TFB1M: variants seen among roughly 807,000 people sequenced by gnomAD.
TFB1M encodes transcription factor B1, mitochondrial, also known as dimethyladenosine transferase 1, mitochondrial.
In TFB1M, 27 loss-of-function variants were observed where a neutral mutation model predicts 31.1. The ratio of observed to expected loss-of-function variants is 0.87; its 90% CI spans 0.64 to 1.20. The LOEUF is 1.20. Ranked by LOEUF, TFB1M falls within the 50% of genes most tolerant of loss-of-function variation. The pLI, the probability that TFB1M is intolerant of heterozygous loss-of-function variation, is 0.00. For missense variants in TFB1M, 394 were observed against 418.7 expected (o/e 0.94, Z 0.51); for synonymous variants, 166 against 151.8 (o/e 1.09, Z -0.69).
chr6:155,248,231 G>GCTGCCAGCCGTGCCCTGGGC, the TFB1M span: 1 of 1,562,144 alleles, frequency 6.4e-7, no homozygotes, highest in Non-Finnish European at 8.7e-7. Context: ...GCGGCGAGGG[G>GCTGCCAGCCGTGCCCTGGGC]CTGCCAGCCG....
At chr6:155,284,753 A>G (rs1776543937) in intron 5 of TFB1M, among the ~76,000 whole-genome samples, 1 of 152,230 alleles carries the variant, frequency 6.6e-6, no homozygotes, top group South Asian at 2.1e-4. Context: ...GGTCTCCCAA[A>G]AAAGTGTTAA....
At chr6:155,239,274 C>T in the TFB1M span, among the ~76,000 whole-genome samples, 1 of 152,112 alleles carries the variant, frequency 6.6e-6, no homozygotes, top group Non-Finnish European at 1.5e-5. Flanking sequence ...TTAATGGATG[C>T]CAGTCATTTG....
intron 2 of TFB1M, among the ~76,000 whole-genome samples, chr6:155,306,332 G>A (rs1397328195): frequency 2.0e-5 from 3 of 152,032 alleles, no homozygotes; most frequent in South Asian, 4.1e-4. Flanking sequence ...CACAGGACCC[G>A]GATATTCTAC....
At chr6:155,236,599 G>A in the TFB1M span, among the ~76,000 whole-genome samples, 1 of 152,164 alleles carries the variant, frequency 6.6e-6, no homozygotes, top group Admixed American at 6.5e-5. Context: ...GGAGGCAGAG[G>A]TTGCAGTGAG....
chr6:155,298,377 T>G, intron 3 of TFB1M, 100 bp downstream of exon 3: 1 of 700,010 alleles, frequency 1.4e-6, no homozygotes, highest in Non-Finnish European at 2.5e-6. Context: ...ATTTAAAATA[T>G]AAACATATAA....
At chr6:155,291,600 T>C (rs1776927308) in intron 4 of TFB1M, among the ~76,000 whole-genome samples, 2 of 152,208 alleles carry the variant, frequency 1.3e-5, no homozygotes, top group Admixed American at 6.5e-5. Flanking sequence ...TTTTCCAACC[T>C]TGGCATGACT....
chr6:155,276,317 C>G (rs1041601154), intron 5 of TFB1M: 2 of 1,613,704 alleles, frequency 1.2e-6, no homozygotes, highest in Non-Finnish European at 1.7e-6. Flanking sequence ...ACCCACACAG[C>G]AGCCTATCTC....
chr6:155,275,634 C>T (rs1751671651), intron 5 of TFB1M: 1 of 1,332,762 alleles, frequency 7.5e-7, no homozygotes, highest in South Asian at 1.4e-5. Flanking sequence ...ATTTGGTTCT[C>T]TACTGCACAG....
intron 2 of TFB1M, among the ~76,000 whole-genome samples, chr6:155,309,607 T>C (rs757242725): frequency 9.2e-5 from 14 of 152,076 alleles, no homozygotes; most frequent in African/African-American, 3.1e-4. Flanking sequence ...GTTCACCCCC[T>C]GGCCTAATAA....
intron 2 of TFB1M, among the ~76,000 whole-genome samples, chr6:155,306,612 T>C (rs553811169): frequency 6.6e-6 from 1 of 152,092 alleles, no homozygotes; most frequent in African/African-American, 2.4e-5. Context: ...AAGTAAAAGA[T>C]ACCAGACCAA....
intron 2 of TFB1M, among the ~76,000 whole-genome samples, chr6:155,306,415 C>T (rs1324480199): frequency 6.6e-6 from 1 of 152,058 alleles, no homozygotes; most frequent in Non-Finnish European, 1.5e-5. Flanking sequence ...CAAACACTTG[C>T]ATATGAATGT....
chr6:155,238,685 G>A, the TFB1M span, among the ~76,000 whole-genome samples: 8 of 152,162 alleles, frequency 5.3e-5, no homozygotes, highest in Admixed American at 1.3e-4. Flanking sequence ...CTGGACAACC[G>A]ATTCTAAAAT....
chr6:155,243,645 G>A, the TFB1M span, among the ~76,000 whole-genome samples: 1 of 151,898 alleles, frequency 6.6e-6, no homozygotes, highest in African/African-American at 2.4e-5. Flanking sequence ...TCAGGAGTTC[G>A]AGACCAGCCT....
chr6:155,237,442 G>C, the TFB1M span, among the ~76,000 whole-genome samples: 1 of 152,208 alleles, frequency 6.6e-6, no homozygotes, highest in Non-Finnish European at 1.5e-5. Context: ...GAGGATGGTG[G>C]CCCTCTTCTC....
the TFB1M span, chr6:155,249,846 T>G: frequency 3.7e-6 from 6 of 1,605,154 alleles, no homozygotes; most frequent in Non-Finnish European, 5.1e-6. Context: ...TTTCATATCT[T>G]GCAGAAGCAC....
intron 5 of TFB1M, among the ~76,000 whole-genome samples, chr6:155,284,035 A>T (rs1776510338): frequency 6.6e-6 from 1 of 152,224 alleles, no homozygotes; most frequent in Non-Finnish European, 1.5e-5. Context: ...GGGAGGTGGC[A>T]CCGATAGCAA....
the TFB1M span, chr6:155,232,550 G>A: frequency 6.6e-6 from 1 of 152,206 alleles, no homozygotes; most frequent in Non-Finnish European, 1.5e-5. Flanking sequence ...TTCGGTGCAG[G>A]AGGAGCAGCA....
At chr6:155,314,085 C>G (rs935000767) in intron 1 of TFB1M, 26 of 1,444,738 alleles carry the variant, frequency 1.8e-5, no homozygotes, top group Non-Finnish European at 2.2e-5. Flanking sequence ...TACACCCCCC[C>G]GAACGCGGAG....
chr6:155,272,441 G>C (rs117064462), intron 5 of TFB1M, among the ~76,000 whole-genome samples: 22 of 152,054 alleles, frequency 1.4e-4, no homozygotes, highest in Non-Finnish European at 3.2e-4. Flanking sequence ...GACCATGAGA[G>C]AGTTTTCACT....
Sources: allele counts gnomAD v4.1 joint callset (sites outside exome capture counted in the v4.1 genomes callset), GRCh38; gene constraint gnomAD v4.1.1; transcripts MANE v1.5; gene names NCBI Gene and HGNC (gene_info 2026-07-23, HGNC 2026-07-21).